The following DAB1 variants were observed in gnomAD, a reference collection of about 807,000 sequenced individuals.
The protein encoded by DAB1 is disabled homolog 1.
DAB1 carries 15 observed loss-of-function variants against 64.6 expected under a neutral mutation model. The observed-to-expected ratio is 0.23, with a 90% CI of 0.16 to 0.36. The LOEUF (loss-of-function observed/expected upper bound fraction) is 0.36, where lower values mean the gene tolerates loss of function less well. Among genes scored for constraint, DAB1 ranks in the 10% least tolerant of loss-of-function variants. The pLI, the probability that DAB1 is intolerant of heterozygous loss-of-function variation, is 1.00. For synonymous variants in DAB1, 235 were observed against 251.9 expected (o/e 0.93, Z 0.64); for missense variants, 596 against 706.7 (o/e 0.84, Z 1.78).
intron 5 of DAB1, among the ~76,000 whole-genome samples, chr1:58,134,974 C>G (rs966789566): frequency 6.6e-6 from 1 of 152,206 alleles, no homozygotes; most frequent in Non-Finnish European, 1.5e-5. Context: ...GACTAAGAAG[C>G]TGGCTTCATG....
chr1:57,817,104 G>A lies in DAB1; in HGVS notation n.551+66895C>T, dbSNP rs531579330. On this transcript the variant is annotated intron_variant and non_coding_transcript_variant, in intron 6 of 20. Coordinates refer to the DAB1 transcript ENST00000485760. ...TGTGCCTCAGTTTCCTTAACTTGTG[G>A]GGAAGACTGAATGAAGAGAGGTGAA... Among the ~76,000 whole-genome samples the A allele has an allele frequency of 4.9e-3, 635 of 130,042 alleles. 3 individuals carry two copies. Among genetic ancestry groups the A allele is most frequent in the African/African-American group, 0.017 (620 of 36,562 alleles). 85.3% of individuals were successfully genotyped at this position (130,042 alleles called of 152,430 possible). A position where few individuals can be genotyped will look rare whatever the true frequency, so the allele number is the denominator to read the frequency against.
chr1:58,458,243 C>A (rs896783282), intron 3 of DAB1, among the ~76,000 whole-genome samples: 2 of 152,186 alleles, frequency 1.3e-5, no homozygotes, highest in Admixed American at 6.5e-5. Context: ...CCATATCAGA[C>A]CGACAGAACA....
intron 1 of DAB1, among the ~76,000 whole-genome samples, chr1:57,324,725 C>T (rs1331228517): frequency 6.6e-6 from 1 of 152,156 alleles, no homozygotes; most frequent in African/African-American, 2.4e-5. Context: ...CTTTCTTTCT[C>T]AGCCTCTCAG....
Position 57,702,009 on chromosome 1 carries a change from C to T in DAB1, n.552-52344G>A, listed in dbSNP as rs1037956160. On this transcript the variant is annotated intron_variant and non_coding_transcript_variant, in intron 6 of 20. Coordinates refer to the DAB1 transcript ENST00000485760. Reference sequence around the variant, plus strand: ...ATCTCGTTAGAGTTGGTCAATGGTTCCTTGCTCTGTCCATTTGAGGAGGCC... The same window carrying T: ...ATCTCGTTAGAGTTGGTCAATGGTTTCTTGCTCTGTCCATTTGAGGAGGCC... Among the ~76,000 whole-genome samples, 11 of 152,086 alleles carry T rather than the reference C, an allele frequency of 7.2e-5. No individual in the cohort carries two copies. In the South Asian group the frequency reaches 8.3e-4, roughly 11 times the overall value.
chr1:57,101,760 C>T (rs1037712228), intron 4 of DAB1, among the ~76,000 whole-genome samples: 2 of 152,214 alleles, frequency 1.3e-5, no homozygotes, highest in African/African-American at 4.8e-5. Flanking sequence ...AGCTGACATT[C>T]AGTAAGCACT....
chr1:57,379,617 C>A (rs1308599052), intron 1 of DAB1, among the ~76,000 whole-genome samples: 1 of 152,130 alleles, frequency 6.6e-6, no homozygotes, highest in Non-Finnish European at 1.5e-5. Flanking sequence ...CCAGCCAGGT[C>A]CCAACATTCA....
At chr1:57,473,344 A>G (rs149362785) in intron 7 of DAB1, among the ~76,000 whole-genome samples, 655 of 152,274 alleles carry the variant, frequency 4.3e-3, no homozygotes, top group Middle Eastern at 0.024. Flanking sequence ...CCTTCTCTGT[A>G]GAATTGCCCT....
At chr1:57,321,957 T>A (rs1009847756) in intron 1 of DAB1, among the ~76,000 whole-genome samples, 2 of 152,252 alleles carry the variant, frequency 1.3e-5, no homozygotes, top group South Asian at 4.1e-4. Context: ...TCTCACCATC[T>A]CCCCAGGCAG....
intron 2 of DAB1, among the ~76,000 whole-genome samples, chr1:57,249,828 A>T (rs1669189595): frequency 6.6e-6 from 1 of 152,250 alleles, no homozygotes; most frequent in South Asian, 2.1e-4. Flanking sequence ...CTCCATGCAG[A>T]CTTCTGCCCA....
At chr1:57,640,658 G>C (rs924038178) in intron 7 of DAB1, among the ~76,000 whole-genome samples, 2 of 152,130 alleles carry the variant, frequency 1.3e-5, no homozygotes, top group African/African-American at 4.8e-5. Flanking sequence ...TAGGGTATTA[G>C]GTAAGTTAAA....
At chr1:58,256,071 G>A (rs1248999891) in intron 4 of DAB1, among the ~76,000 whole-genome samples, 2 of 152,186 alleles carry the variant, frequency 1.3e-5, no homozygotes, top group Admixed American at 6.5e-5. Context: ...TCTATGAAAT[G>A]AGGGTATCGC....
chr1:57,404,574 G>T (rs1683485340), intron 1 of DAB1, among the ~76,000 whole-genome samples: 1 of 152,004 alleles, frequency 6.6e-6, no homozygotes, highest in Non-Finnish European at 1.5e-5. Flanking sequence ...AAGTATAAAT[G>T]ACTTTTTTTC....
chr1:57,664,162 A>C (rs2101674187), intron 6 of DAB1, among the ~76,000 whole-genome samples: 1 of 152,294 alleles, frequency 6.6e-6, no homozygotes, highest in South Asian at 2.1e-4. Flanking sequence ...TGGTACATGT[A>C]AGCATTTGGT....
chr1:57,902,975 T>C (rs1644498283), intron 5 of DAB1, among the ~76,000 whole-genome samples: 1 of 152,130 alleles, frequency 6.6e-6, no homozygotes, highest in Admixed American at 6.5e-5. Context: ...TGGGGAGGCC[T>C]CACAATCATG....
chr1:56,998,429 T>G (rs1263334481), intron 14 of DAB1, among the ~76,000 whole-genome samples: 1 of 152,186 alleles, frequency 6.6e-6, no homozygotes, highest in African/African-American at 2.4e-5. Flanking sequence ...GACAAGATAC[T>G]TATCCTGAGT....
chr1:58,437,039 C>A (rs922304582), intron 3 of DAB1, among the ~76,000 whole-genome samples: 3 of 152,220 alleles, frequency 2.0e-5, no homozygotes, highest in Non-Finnish European at 4.4e-5. Context: ...CCTGCAGCCA[C>A]CCTCTGTGTA....
chr1:57,778,090 A>T (rs1649899244), intron 6 of DAB1, among the ~76,000 whole-genome samples: 1 of 152,006 alleles, frequency 6.6e-6, no homozygotes, highest in African/African-American at 2.4e-5. Flanking sequence ...ACACTCTGGA[A>T]TTGCTTGGCT....
chr1:57,200,690 C>G (rs1209411200), intron 2 of DAB1, among the ~76,000 whole-genome samples: 2 of 152,160 alleles, frequency 1.3e-5, no homozygotes, highest in East Asian at 3.9e-4. Context: ...ACTTTTATAG[C>G]TTTATTTGAC....
At chr1:58,403,224 A>ATAT (rs1644588260) in intron 3 of DAB1, among the ~76,000 whole-genome samples, 1 of 152,006 alleles carries the variant, frequency 6.6e-6, no homozygotes, top group Admixed American at 6.6e-5. Flanking sequence ...AATTCTGTAC[A>ATAT]TATCCTCAGG....
Sources: gnomAD v4.1 joint callset for allele counts (sites outside exome capture counted in the v4.1 genomes callset) on GRCh38, gnomAD v4.1.1 for gene constraint, MANE v1.5 for transcripts, NCBI Gene and HGNC (gene_info 2026-07-23, HGNC 2026-07-21) for gene names.